The following ADGRL3 variants were observed in gnomAD, a reference collection of about 807,000 sequenced individuals.
The protein encoded by ADGRL3 is calcium-independent alpha-latrotoxin receptor 3.
ADGRL3 carries 62 observed loss-of-function variants against 153.5 expected under a neutral mutation model. That is an observed-to-expected ratio of 0.40 (90% CI 0.33 to 0.50). The LOEUF (loss-of-function observed/expected upper bound fraction) is 0.50. Among genes scored for constraint, ADGRL3 ranks in the 20% least tolerant of loss-of-function variants. The pLI, the probability that ADGRL3 is intolerant of heterozygous loss-of-function variation, is 0.47. For missense variants in ADGRL3, 1,641 were observed against 1,859.4 expected (o/e 0.88, Z 2.16); for synonymous variants, 710 against 672.5 (o/e 1.06, Z -0.86).
intron 1 of ADGRL3, among the ~76,000 whole-genome samples, chr4:61,365,341 ACTG>A (rs1405012749): frequency 1.3e-5 from 2 of 152,372 alleles, no homozygotes; most frequent in Non-Finnish European, 2.9e-5. Context: ...CTCTACTGAG[ACTG>A]CTAAGGGGAC....
chr4:61,283,430 A>T (rs896410539), intron 1 of ADGRL3, among the ~76,000 whole-genome samples: 1 of 152,008 alleles, frequency 6.6e-6, no homozygotes, highest in Non-Finnish European at 1.5e-5. Flanking sequence ...CTTCAATTCC[A>T]TCTTTTTCTG....
intron 4 of ADGRL3, among the ~76,000 whole-genome samples, chr4:61,573,257 A>G (rs543245163): frequency 5.9e-5 from 9 of 151,770 alleles, no homozygotes; most frequent in Non-Finnish European, 1.2e-4. Flanking sequence ...AAAGTTTCGT[A>G]TTTTTCCTTT....
intron 2 of ADGRL3, among the ~76,000 whole-genome samples, chr4:61,421,030 G>T (rs1051241489): frequency 2.0e-5 from 3 of 151,974 alleles, no homozygotes; most frequent in Non-Finnish European, 4.4e-5. Context: ...GCAAATGCTG[G>T]CCGGGCACAG....
intron 20 of ADGRL3, 86 bp downstream of exon 20, chr4:61,996,443 A>T (rs1405138414): frequency 1.1e-6 from 1 of 927,824 alleles, no homozygotes; most frequent in African/African-American, 1.7e-5. Flanking sequence ...TAATTTACAG[A>T]GGTTAATTTG....
intron 2 of ADGRL3, among the ~76,000 whole-genome samples, chr4:61,455,977 G>T (rs1055804078): frequency 7.9e-5 from 12 of 151,692 alleles, no homozygotes; most frequent in Non-Finnish European, 4.4e-5. Flanking sequence ...CACTATGCCC[G>T]GCTAATTTTT....
intron 13 of ADGRL3, among the ~76,000 whole-genome samples, chr4:61,922,649 A>G (rs2098775145): frequency 6.6e-6 from 1 of 152,220 alleles, no homozygotes; most frequent in Admixed American, 6.5e-5. Context: ...TGAAAAATAC[A>G]TTTTTTATTA....
At chr4:61,871,620 G>A (rs905172037) in intron 9 of ADGRL3, among the ~76,000 whole-genome samples, 4 of 152,136 alleles carry the variant, frequency 2.6e-5, no homozygotes, top group African/African-American at 9.7e-5. Flanking sequence ...GGGAGGTTGG[G>A]GAACATGGGG....
intron 1 of ADGRL3, among the ~76,000 whole-genome samples, chr4:61,221,215 C>T (rs1372649215): frequency 1.3e-5 from 2 of 152,042 alleles, no homozygotes; most frequent in East Asian, 1.9e-4. Context: ...TAACATTTAG[C>T]AAATGTATTG....
intron 8 of ADGRL3, among the ~76,000 whole-genome samples, chr4:61,744,741 T>C (rs1411842563): frequency 1.3e-5 from 2 of 151,884 alleles, no homozygotes; most frequent in Admixed American, 6.6e-5. Flanking sequence ...AGACCAAAAG[T>C]AGATAAAACC....
chr4:62,015,248 G>A (rs1036666531), intron 21 of ADGRL3, among the ~76,000 whole-genome samples: 3 of 152,070 alleles, frequency 2.0e-5, no homozygotes, highest in Non-Finnish European at 2.9e-5. Flanking sequence ...AAGGTCCCTG[G>A]CACTTTTATA....
chr4:61,615,998 G>A (rs1378621262), intron 5 of ADGRL3, among the ~76,000 whole-genome samples: 2 of 151,996 alleles, frequency 1.3e-5, no homozygotes, highest in African/African-American at 4.8e-5. Flanking sequence ...CAATAAAACT[G>A]GCTATTTCGT....
chr4:61,689,278 C>CCA (rs1383330687), intron 6 of ADGRL3, among the ~76,000 whole-genome samples: 1 of 152,082 alleles, frequency 6.6e-6, no homozygotes, highest in Non-Finnish European at 1.5e-5. Flanking sequence ...AAGGAGTTAC[C>CCA]CATGTCCATA....
chr4:61,835,597 T>C (rs1403813781), intron 9 of ADGRL3, among the ~76,000 whole-genome samples: 1 of 152,168 alleles, frequency 6.6e-6, no homozygotes, highest in Non-Finnish European at 1.5e-5. Flanking sequence ...TTTTGAGCTT[T>C]GCCAAAGGTA....
intron 9 of ADGRL3, among the ~76,000 whole-genome samples, chr4:61,821,189 CAAAA>C (rs34391051): frequency 9.3e-6 from 1 of 107,838 alleles, no homozygotes. Context: ...TGCCAATTAC[CAAAA>C]AAAAAAAAAA....
intron 13 of ADGRL3, among the ~76,000 whole-genome samples, chr4:61,914,361 T>G (rs1337929680): frequency 2.0e-5 from 3 of 152,102 alleles, no homozygotes; most frequent in African/African-American, 7.2e-5. Context: ...AAAAGACAGG[T>G]TAACAAGAGA....
At chr4:61,255,584 A>G (rs900991239) in intron 1 of ADGRL3, among the ~76,000 whole-genome samples, 26 of 152,218 alleles carry the variant, frequency 1.7e-4, no homozygotes, top group Non-Finnish European at 3.4e-4. Context: ...TTATGTTGTC[A>G]TGAAAATCTA....
At chr4:62,006,291 C>A (rs1045887795) in intron 21 of ADGRL3, among the ~76,000 whole-genome samples, 3 of 151,752 alleles carry the variant, frequency 2.0e-5, no homozygotes, top group African/African-American at 7.3e-5. Context: ...CCGCTTTGGC[C>A]TCCCAAAGTG....
Position 61,966,586 on chromosome 4 carries a change from G to GTGTGT in ADGRL3, c.2806-12976_2806-12972dup, listed in dbSNP as rs2099007724. On this transcript the variant is annotated intron_variant, in intron 17 of 26. Transcript: ENST00000683033. Reference sequence around the variant, plus strand: ...ACTTTCAAAAGGGGTGTGTGTGTGTGTGTGTGTGTGTGTGTGTGTGAATGA... The same window carrying GTGTGT: ...ACTTTCAAAAGGGGTGTGTGTGTGTGTGTGTTGTGTGTGTGTGTGTGTGTGAATGA... Among the ~76,000 whole-genome samples the GTGTGT allele has an allele frequency of 5.9e-5, 9 of 151,922 alleles. No individual in the cohort carries two copies. The South Asian group carries it at 1.9e-3, about 32-fold the overall frequency.
rs115179796 is a variant in ADGRL3, at chr4:61,484,961, T to G, written c.-173-12160T>G. On this transcript the variant is annotated intron_variant, in intron 2 of 26. Transcript: ENST00000683033. Reference sequence around the variant, plus strand: ...ATGTGTCTTTGTAAACTTACCATGTTAGCTATTGATTTCAAAACCATAAAT... The same window carrying G: ...ATGTGTCTTTGTAAACTTACCATGTGAGCTATTGATTTCAAAACCATAAAT... 7.9e-3 allele frequency among the ~76,000 whole-genome samples: 1,201 copies of G among 152,338 alleles called. 17 individuals are homozygous for G. The highest frequency in any genetic ancestry group is 0.027 in the African/African-American group (1,124 of 41,574).
Sources: allele counts gnomAD v4.1 joint callset (sites outside exome capture counted in the v4.1 genomes callset), GRCh38; gene constraint gnomAD v4.1.1; transcripts MANE v1.5; gene names NCBI Gene and HGNC (gene_info 2026-07-23, HGNC 2026-07-21).